Variants in SPAG17 observed in about 807,000 individuals in gnomAD.
SPAG17 encodes sperm associated antigen 17.
Under a neutral mutation model 273.6 loss-of-function variants are expected in SPAG17, and 169 were observed. The observed-to-expected ratio is 0.62, with a 90% confidence interval of 0.55 to 0.70. The LOEUF is 0.70. SPAG17 is among the 30% of genes least tolerant of loss of function. The pLI, the probability that SPAG17 is intolerant of heterozygous loss-of-function variation, is 0.00. For missense variants in SPAG17, 2,557 were observed against 2,627.8 expected, an observed-to-expected ratio of 0.97 and a Z score of 0.59; for synonymous variants, 825 against 873.2, an observed-to-expected ratio of 0.94 and a Z score of 0.97.
intron 20 of SPAG17, among the ~76,000 whole-genome samples, chr1:118,045,461 A>C (rs1650249760): frequency 6.6e-6 from 1 of 151,898 alleles, no homozygotes; most frequent in African/African-American, 2.4e-5. Flanking sequence ...AGAATGACAC[A>C]CTCCACTTCC....
chr1:118,109,059 T>C (rs1362212453), intron 4 of SPAG17, among the ~76,000 whole-genome samples: 1 of 152,164 alleles, frequency 6.6e-6, no homozygotes, highest in Non-Finnish European at 1.5e-5. Context: ...AATTAATAAG[T>C]ATTCATTCTC....
chr1:118,160,571 T>C (rs1354610795), intron 1 of SPAG17, among the ~76,000 whole-genome samples: 1 of 152,258 alleles, frequency 6.6e-6, no homozygotes, highest in African/African-American at 2.4e-5. Context: ...CCTTGTTTAC[T>C]ACAAAGCCAT....
chr1:117,967,473 TA>T (rs201519141), intron 46 of SPAG17, among the ~76,000 whole-genome samples: 11 of 151,488 alleles, frequency 7.3e-5, no homozygotes, highest in South Asian at 2.1e-4. Flanking sequence ...GTGATGAGTT[TA>T]AAAAAAAATC....
intron 29 of SPAG17, among the ~76,000 whole-genome samples, chr1:118,012,753 G>A (rs771332932): frequency 6.6e-6 from 1 of 152,208 alleles, no homozygotes; most frequent in Non-Finnish European, 1.5e-5. Flanking sequence ...GCTGCCTTGT[G>A]TGCTGTGAAA....
At chr1:118,166,415 A>G (rs1660172559) in intron 1 of SPAG17, among the ~76,000 whole-genome samples, 1 of 152,204 alleles carries the variant, frequency 6.6e-6, no homozygotes, top group Admixed American at 6.5e-5. Context: ...TTAATTGGGC[A>G]CTTCTCTGGA....
chr1:118,126,676 C>A (rs1014458947), intron 3 of SPAG17, among the ~76,000 whole-genome samples: 3 of 152,096 alleles, frequency 2.0e-5, no homozygotes, highest in African/African-American at 7.2e-5. Flanking sequence ...TGTGCAGAAG[C>A]TTCTTAGTTT....
chr1:118,091,530 T>G (rs1316949607), intron 10 of SPAG17, 76 bp downstream of exon 10: 1 of 756,216 alleles, frequency 1.3e-6, no homozygotes, highest in African/African-American at 1.8e-5. Context: ...AATTTTAAAA[T>G]AGTGTAAAAA....
intron 3 of SPAG17, among the ~76,000 whole-genome samples, chr1:118,136,995 T>C (rs752900512): frequency 6.6e-6 from 1 of 152,096 alleles, no homozygotes; most frequent in Admixed American, 6.6e-5. Flanking sequence ...AAATCAGAAA[T>C]TTGCTGTCAT....
intron 48 of SPAG17, among the ~76,000 whole-genome samples, chr1:117,955,682 A>G (rs541220739): frequency 5.9e-5 from 9 of 152,154 alleles, no homozygotes; most frequent in African/African-American, 1.9e-4. Context: ...ATGTACATAC[A>G]CAATTGGAAT....
intron 46 of SPAG17, among the ~76,000 whole-genome samples, chr1:117,969,073 C>T (rs966853316): frequency 6.6e-6 from 1 of 152,154 alleles, no homozygotes; most frequent in African/African-American, 2.4e-5. Context: ...CTGATAAAGA[C>T]AAATGTGACT....
intron 18 of SPAG17, among the ~76,000 whole-genome samples, chr1:118,062,361 C>T (rs1485037677): frequency 3.4e-4 from 8 of 23,342 alleles, no homozygotes; most frequent in Non-Finnish European, 6.5e-4. Context: ...AGCGAGACTC[C>T]ATCTCAAAAA....
chr1:118,012,560 G>A (rs958426389), intron 29 of SPAG17, among the ~76,000 whole-genome samples, 188 bp from the exon 30 acceptor site: 1 of 152,194 alleles, frequency 6.6e-6, no homozygotes, highest in Non-Finnish European at 1.5e-5. Flanking sequence ...TTTTATAGAT[G>A]AGGAAATGTA....
At chr1:117,989,316 C>A (rs77509795) in intron 38 of SPAG17, among the ~76,000 whole-genome samples, 4,153 of 151,992 alleles carry the variant, frequency 0.027, 173 homozygotes, top group African/African-American at 0.092. Flanking sequence ...CTGGTGAGGA[C>A]CTTAGGCTAC....
intron 18 of SPAG17, among the ~76,000 whole-genome samples, chr1:118,058,931 A>G (rs1280280659): frequency 6.6e-6 from 1 of 152,200 alleles, no homozygotes; most frequent in Non-Finnish European, 1.5e-5. Flanking sequence ...TTGCACACAC[A>G]TGCTACACAT....
intron 3 of SPAG17, among the ~76,000 whole-genome samples, chr1:118,121,062 C>T (rs915683968): frequency 2.6e-5 from 4 of 151,950 alleles, no homozygotes; most frequent in Non-Finnish European, 4.4e-5. Context: ...ATTTGTGGTG[C>T]TTATAGGCCA....
chr1:118,082,457 C>A (rs903019395), intron 13 of SPAG17, among the ~76,000 whole-genome samples: 10 of 152,158 alleles, frequency 6.6e-5, no homozygotes, highest in African/African-American at 2.4e-4. Context: ...TGGGAAAAAA[C>A]AGGGAGATTC....
intron 3 of SPAG17, among the ~76,000 whole-genome samples, chr1:118,136,025 T>C (rs1658336030): frequency 6.6e-6 from 1 of 152,166 alleles, no homozygotes; most frequent in South Asian, 2.1e-4. Context: ...TTTGAGGCTC[T>C]TTCCTCATTT....
At chr1:118,057,974 C>G (rs1651880525) in intron 18 of SPAG17, among the ~76,000 whole-genome samples, 1 of 151,504 alleles carries the variant, frequency 6.6e-6, no homozygotes, top group Non-Finnish European at 1.5e-5. Flanking sequence ...TTTTAAAAAT[C>G]ACACACTCAG....
intron 7 of SPAG17, among the ~76,000 whole-genome samples, chr1:118,095,084 A>G (rs1655622177): frequency 6.6e-6 from 1 of 152,204 alleles, no homozygotes; most frequent in African/African-American, 2.4e-5. Flanking sequence ...ATATTTTTCC[A>G]CATAAAATAA....
Sources: allele counts gnomAD v4.1 joint callset (sites outside exome capture counted in the v4.1 genomes callset), GRCh38; gene constraint gnomAD v4.1.1; transcripts MANE v1.5; gene names NCBI Gene and HGNC (gene_info 2026-07-23, HGNC 2026-07-21).